The following HMOX2 variants were observed in gnomAD, a reference collection of about 807,000 sequenced individuals.
HMOX2 encodes the protein heme oxygenase (decycling) 2.
A neutral mutation model predicts 33.7 loss-of-function variants in HMOX2; 30 were observed. The observed-to-expected ratio is 0.89, with a 90% CI of 0.67 to 1.21. The LOEUF is 1.21. HMOX2 is among the 50% of genes most tolerant of loss of function. The probability of loss-of-function intolerance (pLI) is 0.00; values close to 1 mark genes in which losing one functional copy is unlikely to be tolerated. For missense variants in HMOX2, 403 were observed against 399.1 expected (o/e 1.01, Z -0.08); for synonymous variants, 155 against 155.0 (o/e 1.00, Z 0.00).
rs1446733392 is a variant in HMOX2 at position 4,507,726 on chromosome 16, CACTTT to C, written c.223_227del (p.Tyr75HisfsTer43). 6 of 1,613,912 alleles carry C rather than the reference CACTTT, an allele frequency of 3.7e-6. No individual in the cohort carries two copies. Among genetic ancestry groups the C allele is most frequent in the Non-Finnish European group, 5.1e-6 (6 of 1,179,802 alleles). Reference sequence around the variant, plus strand: ...TCACCTCCACAGCTGGCCACCACGGCACTTTACTTCACATACTCAGCCCTCGAGGA... The same window carrying C: ...TCACCTCCACAGCTGGCCACCACGGCACTTCACATACTCAGCCCTCGAGGA... On this transcript the variant is annotated frameshift_variant, in exon 4 of 6. Coordinates refer to ENST00000570646, the MANE Select transcript of HMOX2 (RefSeq NM_002134.4). LOFTEE classifies it high-confidence loss of function.
intron 1 of HMOX2, among the ~76,000 whole-genome samples, chr16:4,478,765 CAAA>C (rs35433748): frequency 7.0e-5 from 6 of 86,168 alleles, no homozygotes; most frequent in Admixed American, 1.3e-4. Context: ...AACTGCATCT[CAAA>C]AAAAAAAAAA....
At position 4,487,721 on chromosome 16, in the gene HMOX2, A is replaced by AC. The variant is rs1342953121; in HGVS notation, c.-42+11237dup. Among the ~76,000 whole-genome samples, 7 of 151,662 alleles carry AC rather than the reference A, an allele frequency of 4.6e-5. No individual in the cohort carries two copies. The East Asian group carries it at 1.4e-3, about 29-fold the overall frequency. ...AGGCTGAGGTGGGAGAATGGCGTGA[A>AC]CCCGGGAGGCGGAGGTTGCAGTGAG... On this transcript the variant is annotated intron_variant, in intron 1 of 5. Coordinates refer to ENST00000570646, the MANE Select transcript of HMOX2 (RefSeq NM_002134.4).
chr16:4,494,315 C>CAA (rs766292138), intron 1 of HMOX2, among the ~76,000 whole-genome samples: 3 of 79,498 alleles, frequency 3.8e-5, no homozygotes, highest in Non-Finnish European at 5.3e-5. Context: ...GACTCTGCCA[C>CAA]AAAAAAAAAA....
chr16:4,498,762 G>C (rs1471803139), intron 1 of HMOX2, among the ~76,000 whole-genome samples: 4 of 152,188 alleles, frequency 2.6e-5, no homozygotes, highest in African/African-American at 9.7e-5. Context: ...TGAAATGAAA[G>C]GGCTTATGTA....
At chr16:4,506,360 G>C (rs371934625) in intron 2 of HMOX2, among the ~76,000 whole-genome samples, 2 of 152,278 alleles carry the variant, frequency 1.3e-5, no homozygotes, top group East Asian at 3.9e-4. Flanking sequence ...CCTCTCGGTT[G>C]TCTCCTTTGC....
chr16:4,507,102 G>A, intron 3 of HMOX2, 90 bp downstream of exon 3: 1 of 819,650 alleles, frequency 1.2e-6, no homozygotes, highest in Non-Finnish European at 2.1e-6. Flanking sequence ...GAGCCACTCT[G>A]AGGGAAAAGC....
chr16:4,509,699 C>A lies in HMOX2; in HGVS notation c.894C>A (p.Phe298Leu). 6.2e-7 allele frequency: 1 copy of A among 1,613,868 alleles called. No homozygotes were observed. Among genetic ancestry groups the A allele is most frequent in the Non-Finnish European group, 8.5e-7 (1 of 1,179,818 alleles). ...MAVLRKPSLQ[F>L]ILAAGVALAA... ...TGCTGAGGAAGCCCAGCCTCCAGTT[C>A]ATCCTGGCCGCTGGTGTGGCCCTAG... The change falls in exon 6 of 6, where the codon TTC (phenylalanine) becomes TTA (leucine). Residue 298 changes from phenylalanine to leucine, a missense_variant. Transcript: ENST00000570646.
chr16:4,491,264 C>A (rs537635748), intron 1 of HMOX2, among the ~76,000 whole-genome samples: 1 of 152,310 alleles, frequency 6.6e-6, no homozygotes, highest in East Asian at 1.9e-4. Context: ...TTCTCGGTTA[C>A]TGGAGGGCCC....
chr16:4,479,424 G>A (rs1354967016), intron 1 of HMOX2: 3 of 152,096 alleles, frequency 2.0e-5, no homozygotes, highest in Non-Finnish European at 4.4e-5. Flanking sequence ...AGGAGGGAGT[G>A]GACTGGCAGG....
chr16:4,491,778 G>A (rs1296623583), intron 1 of HMOX2, among the ~76,000 whole-genome samples: 2 of 151,410 alleles, frequency 1.3e-5, no homozygotes, highest in African/African-American at 2.4e-5. Context: ...GCATGATCTC[G>A]GCTCACTGCA....
chr16:4,501,917 C>T (rs1011132067), intron 1 of HMOX2, among the ~76,000 whole-genome samples: 2 of 152,224 alleles, frequency 1.3e-5, no homozygotes, highest in African/African-American at 2.4e-5. Context: ...CCTCTGCCCC[C>T]AGCCCCCAGG....
intron 1 of HMOX2, among the ~76,000 whole-genome samples, chr16:4,486,185 A>T (rs370286047): frequency 6.6e-6 from 1 of 152,232 alleles, no homozygotes; most frequent in African/African-American, 2.4e-5. Context: ...TGTGTCTTCA[A>T]ACACAAATTG....
At chr16:4,482,511 A>G (rs1427459513) in intron 1 of HMOX2, among the ~76,000 whole-genome samples, 4 of 152,162 alleles carry the variant, frequency 2.6e-5, no homozygotes, top group African/African-American at 9.7e-5. Flanking sequence ...CTATCTGGAG[A>G]TAGCGTCAGA....
rs185870818 is a variant in HMOX2, at chr16:4,491,298, C to T, written c.-41-14186C>T. ...CCTTCACCTAAGTCATGTTCAGGAT[C>T]TCCTTGAAGGAGTTAAACTAAAACA... is the stretch of plus-strand genomic sequence containing the variant. On this transcript the variant is annotated intron_variant, in intron 1 of 5. Transcript: ENST00000570646. Among the ~76,000 whole-genome samples, 41 of 152,280 alleles carry T rather than the reference C, an allele frequency of 2.7e-4. 1 individual carries two copies. Among genetic ancestry groups the T allele is most frequent in the Non-Finnish European group, 5.0e-4 (34 of 68,024 alleles).
At chr16:4,494,100 A>G (rs1345555016) in intron 1 of HMOX2, among the ~76,000 whole-genome samples, 1 of 152,008 alleles carries the variant, frequency 6.6e-6, no homozygotes, top group East Asian at 1.9e-4. Flanking sequence ...GTGGATCACG[A>G]GGTCAGGAGA....
At chr16:4,505,463 C>G (rs2058666348) in intron 1 of HMOX2, 21 bp from the exon 2 acceptor site, 13 of 1,301,674 alleles carry the variant, frequency 1.0e-5, no homozygotes, top group South Asian at 1.3e-5. Context: ...GCCACATCAC[C>G]AGCTCCTTGT....
intron 2 of HMOX2, among the ~76,000 whole-genome samples, chr16:4,506,357 GT>G (rs1284501724): frequency 1.3e-5 from 2 of 152,112 alleles, no homozygotes; most frequent in Non-Finnish European, 2.9e-5. Context: ...TAGCCTCTCG[GT>G]TGTCTCCTTT....
At chr16:4,489,168 G>T (rs938866883) in intron 1 of HMOX2, among the ~76,000 whole-genome samples, 2 of 152,172 alleles carry the variant, frequency 1.3e-5, no homozygotes, top group African/African-American at 4.8e-5. Flanking sequence ...TGGAATGTAA[G>T]GAAGCCAGTT....
chr16:4,484,614 C>G (rs1489810955), intron 1 of HMOX2, among the ~76,000 whole-genome samples: 1 of 151,806 alleles, frequency 6.6e-6, no homozygotes, highest in East Asian at 1.9e-4. Context: ...GTGTGCACCA[C>G]CACGCCTGGC....
Sources: allele counts gnomAD v4.1 joint callset (sites outside exome capture counted in the v4.1 genomes callset), GRCh38; gene constraint gnomAD v4.1.1; transcripts MANE v1.5; gene names NCBI Gene and HGNC (gene_info 2026-07-23, HGNC 2026-07-21).